SFMBT1: variants seen among roughly 807,000 people sequenced by gnomAD.
The protein encoded by SFMBT1 is scm-like with four MBT domains protein 1.
In SFMBT1, 32 loss-of-function variants were observed where a neutral mutation model predicts 108.7. The ratio of observed to expected loss-of-function variants is 0.29; its 90% confidence interval spans 0.22 to 0.40. The LOEUF (loss-of-function observed/expected upper bound fraction) is 0.40, where lower values mean the gene tolerates loss of function less well. SFMBT1 is among the 10% of genes least tolerant of loss of function. The pLI is 1.00. For synonymous variants in SFMBT1, 348 were observed against 369.5 expected (o/e 0.94, Z 0.67); for missense variants, 816 against 1,059.6 (o/e 0.77, Z 3.19).
intron 1 of SFMBT1, among the ~76,000 whole-genome samples, chr3:53,022,787 T>C (rs1220325777): frequency 2.0e-5 from 3 of 152,198 alleles, no homozygotes; most frequent in Admixed American, 6.5e-5. Context: ...TATTATTTAA[T>C]GTGTATGGAG....
intron 4 of SFMBT1, among the ~76,000 whole-genome samples, chr3:52,942,963 T>C (rs1010177081): frequency 6.6e-6 from 1 of 152,184 alleles, no homozygotes; most frequent in African/African-American, 2.4e-5. Flanking sequence ...CATTTAAGAG[T>C]TCCTAGTTAC....
rs116551445 is a variant in SFMBT1, at chr3:52,966,874, A to T, written c.28+2227T>A. On this transcript the variant is annotated intron_variant, in intron 2 of 20. Coordinates refer to ENST00000394752, the MANE Select transcript of SFMBT1 (RefSeq NM_016329.4). ...GAGAAAATATTTAAGGCAATTATAA[A>T]TAAAAGAGGGTAAAGAGAAGTAAAA... is the stretch of plus-strand genomic sequence containing the variant. Among the ~76,000 whole-genome samples the T allele has an allele frequency of 9.0e-3, 1,362 of 151,358 alleles. 17 individuals are homozygous for T. Among genetic ancestry groups the T allele is most frequent in the African/African-American group, 0.031 (1,271 of 41,374 alleles).
At chr3:52,941,002 G>A (rs1463572056) in intron 4 of SFMBT1, among the ~76,000 whole-genome samples, 1 of 152,156 alleles carries the variant, frequency 6.6e-6, no homozygotes, top group Non-Finnish European at 1.5e-5. Flanking sequence ...TGACTGGCCT[G>A]TACTCTTCAA....
chr3:52,950,613 T>C (rs996096582), intron 3 of SFMBT1, among the ~76,000 whole-genome samples: 9 of 152,132 alleles, frequency 5.9e-5, no homozygotes, highest in African/African-American at 1.7e-4. Context: ...CAGCTGGAAT[T>C]ACAGGCACCC....
chr3:52,936,609 A>T (rs540885583), intron 4 of SFMBT1, among the ~76,000 whole-genome samples: 1 of 152,266 alleles, frequency 6.6e-6, no homozygotes, highest in South Asian at 2.1e-4. Context: ...ATGTTCCAGG[A>T]TCATCTAGGA....
intron 1 of SFMBT1, among the ~76,000 whole-genome samples, chr3:53,001,359 A>T (rs1349122675): frequency 6.7e-6 from 1 of 150,344 alleles, no homozygotes; most frequent in Non-Finnish European, 1.5e-5. Flanking sequence ...TGAGCTCAGG[A>T]GTTCAAGGCT....
chr3:52,915,601 A>C (rs1479024944), intron 14 of SFMBT1, among the ~76,000 whole-genome samples: 1 of 152,220 alleles, frequency 6.6e-6, no homozygotes, highest in African/African-American at 2.4e-5. Context: ...AACATTACAC[A>C]ACAAGCACGT....
At chr3:52,945,810 CAA>C (rs200165393) in intron 3 of SFMBT1, among the ~76,000 whole-genome samples, 7 of 111,840 alleles carry the variant, frequency 6.3e-5, no homozygotes, top group Admixed American at 9.8e-5. Context: ...GACTCCATCT[CAA>C]AAAAAAAAAA....
chr3:52,932,220 A>C lies in SFMBT1; in HGVS notation c.542T>G (p.Ile181Ser). 2 of 1,614,198 alleles carry C rather than the reference A, an allele frequency of 1.2e-6. No homozygotes were observed. The highest frequency in any genetic ancestry group is 4.5e-5 in the East Asian group (2 of 44,880). The change falls in exon 6 of 21, where the codon ATT (isoleucine) becomes AGT (serine). Residue 181 changes from isoleucine to serine, a missense_variant. Physicochemically the swap from Ile to Ser is moderately radical, Grantham distance 142. Around this residue, in one of 5 missense-constraint regions of SFMBT1, gnomAD observed 495 missense variants for 607.4 expected, o/e 0.81. Transcript: ENST00000394752. ...TCCAATGTTTTCTACTACAGTAACA[A>C]TCCAAGTGCTTAAAGAGTCCTGGAA... ...QAFQDSLSTW[I>S]VTVVENIGGR...
At chr3:53,037,922 A>T (rs1228924161) in intron 1 of SFMBT1, among the ~76,000 whole-genome samples, 4 of 152,184 alleles carry the variant, frequency 2.6e-5, no homozygotes, top group Non-Finnish European at 5.9e-5. Flanking sequence ...CAGCCTGGCC[A>T]ACATGATGAA....
intron 3 of SFMBT1, among the ~76,000 whole-genome samples, 161 bp from the exon 4 acceptor site, chr3:52,943,754 A>G (rs1455425682): frequency 6.6e-6 from 1 of 152,228 alleles, no homozygotes; most frequent in Non-Finnish European, 1.5e-5. Context: ...AGCAATCCAG[A>G]TAAAACAAAC....
intron 9 of SFMBT1, 61 bp downstream of exon 9, chr3:52,928,130 G>T: frequency 1.3e-6 from 2 of 1,574,346 alleles, no homozygotes; most frequent in South Asian, 2.3e-5. Flanking sequence ...AATGCCATCT[G>T]ACATGTCTCA....
chr3:53,035,851 C>CCAAAATA (rs1699852909), intron 1 of SFMBT1, among the ~76,000 whole-genome samples: 1 of 152,336 alleles, frequency 6.6e-6, no homozygotes, highest in East Asian at 1.9e-4. Flanking sequence ...CCTCAGCCTC[C>CCAAAATA]CAAAATACTG....
chr3:52,927,863 T>G (rs1295343035), intron 9 of SFMBT1, among the ~76,000 whole-genome samples: 1 of 152,104 alleles, frequency 6.6e-6, no homozygotes, highest in Non-Finnish European at 1.5e-5. Flanking sequence ...CTCACCCCTC[T>G]GCCACCCCTA....
intron 3 of SFMBT1, among the ~76,000 whole-genome samples, chr3:52,950,718 C>T (rs1195408549): frequency 6.6e-6 from 1 of 152,120 alleles, no homozygotes; most frequent in Non-Finnish European, 1.5e-5. Context: ...AGGTGATCCA[C>T]CCGCCATGGC....
chr3:52,935,033 T>C (rs1037509480), intron 4 of SFMBT1, 132 bp from the exon 5 acceptor site: 1 of 688,522 alleles, frequency 1.5e-6, no homozygotes, highest in South Asian at 2.0e-5. Context: ...GCTTGAGAGC[T>C]TGAAAAGATA....
chr3:52,989,417 C>T (rs1575422544), intron 1 of SFMBT1, among the ~76,000 whole-genome samples: 2 of 124,850 alleles, frequency 1.6e-5, no homozygotes, highest in African/African-American at 3.0e-5. Context: ...AGCCTGACTC[C>T]ATCTCAAAAA....
At chr3:53,002,842 G>A (rs143934125) in intron 1 of SFMBT1, among the ~76,000 whole-genome samples, 1 of 150,486 alleles carries the variant, frequency 6.6e-6, no homozygotes, top group East Asian at 1.9e-4. Context: ...AATTAACCAA[G>A]ACTGATAGTT....
At chr3:52,945,534 G>C (rs543862403) in intron 3 of SFMBT1, among the ~76,000 whole-genome samples, 1 of 151,944 alleles carries the variant, frequency 6.6e-6, no homozygotes, top group Non-Finnish European at 1.5e-5. Context: ...AGAGCCGGGC[G>C]CGGTGGCTCA....
Sources: allele counts gnomAD v4.1 joint callset (sites outside exome capture counted in the v4.1 genomes callset), GRCh38; gene constraint gnomAD v4.1.1; regional missense constraint gnomAD v4.1.1; transcripts MANE v1.5; gene names NCBI Gene and HGNC (gene_info 2026-07-23, HGNC 2026-07-21).